The following SLC25A36 variants were observed in gnomAD, a reference collection of about 807,000 sequenced individuals.
SLC25A36 encodes epididymis secretory sperm binding protein.
SLC25A36 carries 24 observed loss-of-function variants against 35.3 expected under a neutral mutation model. That is an observed-to-expected ratio of 0.68 (90% confidence interval 0.49 to 0.96). SLC25A36 has a LOEUF of 0.96. Ranked by LOEUF, SLC25A36 falls within the 40% of genes least tolerant of loss-of-function variation. SLC25A36 has a pLI of 0.00. For missense variants in SLC25A36, 294 were observed against 381.1 expected, an observed-to-expected ratio of 0.77 and a Z score of 1.90; for synonymous variants, 141 against 132.2, an observed-to-expected ratio of 1.07 and a Z score of -0.46.
chr3:140,950,676 G>A (rs780328242), intron 1 of SLC25A36, among the ~76,000 whole-genome samples: 4 of 152,148 alleles, frequency 2.6e-5, no homozygotes, highest in Non-Finnish European at 5.9e-5. Context: ...TGCAGTTGTC[G>A]AGAAGTATGA....
chr3:140,979,824 A>G lies in SLC25A36; in HGVS notation c.*3371A>G, dbSNP rs1160538130. 1 of 152,180 alleles carries G rather than the reference A, an allele frequency of 6.6e-6. No individual in the cohort carries two copies. The highest frequency in any genetic ancestry group is 2.4e-5 in the African/African-American group (1 of 41,454). 9.4% of individuals were successfully genotyped at this position (152,180 alleles called of 1,614,324 possible). A position where few individuals can be genotyped will look rare whatever the true frequency, so the allele number is the denominator to read the frequency against. On this transcript the variant is annotated 3_prime_UTR_variant, in exon 7 of 7. Transcript: ENST00000324194. ...TTTGACTATTCATGTGAGGTTTGGT[A>G]TCTTGCATTTATGTACATGGCTGTA...
intron 5 of SLC25A36, among the ~76,000 whole-genome samples, chr3:140,972,270 A>G (rs886620863): frequency 5.9e-5 from 9 of 152,150 alleles, no homozygotes; most frequent in Non-Finnish European, 1.3e-4. Flanking sequence ...TTCCACTTAT[A>G]ATTGTAACAC....
intron 1 of SLC25A36, among the ~76,000 whole-genome samples, chr3:140,945,343 A>G (rs1479269799): frequency 6.6e-6 from 1 of 152,220 alleles, no homozygotes; most frequent in Non-Finnish European, 1.5e-5. Flanking sequence ...GGAGACAAAC[A>G]TTCAGACATC....
At chr3:140,972,029 T>G (rs1328212159) in intron 5 of SLC25A36, among the ~76,000 whole-genome samples, 1 of 152,212 alleles carries the variant, frequency 6.6e-6, no homozygotes, top group Non-Finnish European at 1.5e-5. Context: ...TCATCTGAAA[T>G]AGATCTTTTA....
At chr3:140,959,684 T>C in intron 3 of SLC25A36, 144 bp downstream of exon 3, 1 of 439,732 alleles carries the variant, frequency 2.3e-6, no homozygotes, top group Non-Finnish European at 4.0e-6. Flanking sequence ...TTAATTTTCT[T>C]TTTAAGAATT....
At chr3:140,948,469 A>C (rs1004630411) in intron 1 of SLC25A36, among the ~76,000 whole-genome samples, 14 of 152,258 alleles carry the variant, frequency 9.2e-5, no homozygotes, top group East Asian at 3.9e-4. Context: ...AGCGTGAGCC[A>C]CCGTGCCCGG....
rs1014977837 is a variant in SLC25A36 at position 140,979,807 on chromosome 3, T to G, written c.*3354T>G. The G allele has an allele frequency of 6.6e-6, 1 of 152,208 alleles. No homozygotes were observed. Among genetic ancestry groups the G allele is most frequent in the East Asian group, 1.9e-4 (1 of 5,206 alleles). 9.4% of individuals were successfully genotyped at this position (152,208 alleles called of 1,614,324 possible). A position where few individuals can be genotyped will look rare whatever the true frequency, so the allele number is the denominator to read the frequency against. On this transcript the variant is annotated 3_prime_UTR_variant, in exon 7 of 7. Coordinates refer to ENST00000324194, the MANE Select transcript of SLC25A36 (RefSeq NM_001104647.3). ...CCTCAAAAGTGTTAACTTTTGACTATTCATGTGAGGTTTGGTATCTTGCAT... is the reference window on the plus strand; with the variant it reads ...CCTCAAAAGTGTTAACTTTTGACTAGTCATGTGAGGTTTGGTATCTTGCAT...
intron 4 of SLC25A36, chr3:140,963,902 A>G (rs191720346): frequency 4.1e-4 from 63 of 152,096 alleles, no homozygotes; most frequent in African/African-American, 1.4e-3. Flanking sequence ...TTACCCTGCC[A>G]TAAAGATAAA....
intron 3 of SLC25A36, 126 bp from the exon 4 acceptor site, chr3:140,963,001 C>T (rs748271608): frequency 1.4e-5 from 7 of 509,496 alleles, no homozygotes; most frequent in Non-Finnish European, 1.6e-5. Flanking sequence ...TCTAATGTTA[C>T]ATGAGAATGT....
At chr3:140,948,787 T>G (rs1203469250) in intron 1 of SLC25A36, among the ~76,000 whole-genome samples, 1 of 152,218 alleles carries the variant, frequency 6.6e-6, no homozygotes, top group Non-Finnish European at 1.5e-5. Context: ...TTTCCAGTCC[T>G]TTTAAAGCTG....
chr3:140,959,521 G>T lies in SLC25A36; in HGVS notation c.265G>T (p.Val89Leu), dbSNP rs2107797532. 5 of 1,490,592 alleles carry T rather than the reference G, an allele frequency of 3.4e-6. No individual in the cohort carries two copies. Among genetic ancestry groups the T allele is most frequent in the Non-Finnish European group, 4.4e-6 (5 of 1,129,468 alleles). 92.3% of individuals were successfully genotyped at this position (1,490,592 alleles called of 1,614,324 possible). ...GTTTAGAGGACTAGGCCCCAATTTA[G>T]TGGGGGTAGCCCCTTCCAGGTAAAA... ...SLFRGLGPNL[V>L]GVAPSRAIYF... The change falls in exon 3 of 7, where the codon GTG becomes TTG. Residue 89 changes from valine (V) to leucine (L), a missense_variant. Around this residue, in one of 2 missense-constraint regions of SLC25A36, gnomAD observed 185 missense variants for 201.5 expected, o/e 0.92. Coordinates refer to ENST00000324194, the MANE Select transcript of SLC25A36 (RefSeq NM_001104647.3).
intron 4 of SLC25A36, chr3:140,968,568 C>A (rs2107809355): frequency 1.1e-6 from 1 of 928,670 alleles, no homozygotes; most frequent in Non-Finnish European, 1.3e-6. Context: ...GTAATATGTA[C>A]AGAGAATAAT....
At chr3:140,974,588 A>C (rs1337657636) in intron 6 of SLC25A36, among the ~76,000 whole-genome samples, 1 of 152,168 alleles carries the variant, frequency 6.6e-6, no homozygotes, top group Non-Finnish European at 1.5e-5. Context: ...CTGTATTTAA[A>C]TTTTATAATA....
At chr3:140,966,749 C>G (rs953415726) in intron 4 of SLC25A36, 1 of 361,554 alleles carries the variant, frequency 2.8e-6, no homozygotes, top group Admixed American at 3.5e-5. Flanking sequence ...TTTCAGTACT[C>G]GGTACATTTT....
At chr3:140,964,655 T>C (rs892326309) in intron 4 of SLC25A36, 9 of 151,874 alleles carry the variant, frequency 5.9e-5, no homozygotes, top group African/African-American at 2.2e-4. Context: ...AAAATATATT[T>C]CTGAATTACC....
chr3:140,960,639 A>T (rs1452426628), intron 3 of SLC25A36, among the ~76,000 whole-genome samples: 1 of 152,226 alleles, frequency 6.6e-6, no homozygotes, highest in Non-Finnish European at 1.5e-5. Context: ...AAGCTATTCA[A>T]GGAAGATGCT....
chr3:140,958,057 A>G (rs566610193), intron 2 of SLC25A36, among the ~76,000 whole-genome samples: 2 of 152,222 alleles, frequency 1.3e-5, no homozygotes, highest in Non-Finnish European at 2.9e-5. Context: ...TTTACTGCTG[A>G]TGAAACTGAG....
At chr3:140,961,986 T>G (rs1934642807) in intron 3 of SLC25A36, among the ~76,000 whole-genome samples, 1 of 151,732 alleles carries the variant, frequency 6.6e-6, no homozygotes. Context: ...GATTTTTCAC[T>G]GTTTTAATAT....
chr3:140,956,028 A>C (rs1286571077), intron 1 of SLC25A36, among the ~76,000 whole-genome samples: 1 of 152,138 alleles, frequency 6.6e-6, no homozygotes, highest in Non-Finnish European at 1.5e-5. Context: ...ATACTTCTGA[A>C]TATTTGGGGA....
Sources: gnomAD v4.1 joint callset for allele counts (sites outside exome capture counted in the v4.1 genomes callset) on GRCh38, gnomAD v4.1.1 for gene constraint, gnomAD v4.1.1 regional missense constraint, MANE v1.5 for transcripts, NCBI Gene and HGNC (gene_info 2026-07-23, HGNC 2026-07-21) for gene names.